The following RXRA variants were observed in gnomAD, a reference collection of about 807,000 sequenced individuals.
The protein encoded by RXRA is retinoic acid receptor RXR-alpha.
Under a neutral mutation model 44.5 loss-of-function variants are expected in RXRA, and 5 were observed. The ratio of observed to expected loss-of-function variants is 0.11; its 90% confidence interval spans 0.06 to 0.24. The LOEUF is 0.24. RXRA is among the 10% of genes least tolerant of loss of function. The pLI, the probability that RXRA is intolerant of heterozygous loss-of-function variation, is 1.00. For synonymous variants in RXRA, 291 were observed against 271.4 expected, an observed-to-expected ratio of 1.07 and a Z score of -0.71; for missense variants, 412 against 646.5, an observed-to-expected ratio of 0.64 and a Z score of 3.93.
chr9:134,431,062 G>A (rs1831523884), intron 7 of RXRA, among the ~76,000 whole-genome samples: 1 of 152,252 alleles, frequency 6.6e-6, no homozygotes. Flanking sequence ...TCCCCATTCT[G>A]CAGACCCTCA....
intron 1 of RXRA, among the ~76,000 whole-genome samples, chr9:134,400,644 T>C (rs1383188273): frequency 6.6e-6 from 1 of 152,212 alleles, no homozygotes; most frequent in African/African-American, 2.4e-5. Flanking sequence ...ATTCGCCACC[T>C]GGGAGCCTCC....
intron 1 of RXRA, among the ~76,000 whole-genome samples, chr9:134,361,786 C>T (rs1588264442): frequency 6.6e-6 from 1 of 152,206 alleles, no homozygotes; most frequent in East Asian, 1.9e-4. Flanking sequence ...CTGGGGGAGG[C>T]AGAATGTTCC....
At chr9:134,378,029 G>T (rs1353849866) in intron 1 of RXRA, among the ~76,000 whole-genome samples, 4 of 152,264 alleles carry the variant, frequency 2.6e-5, no homozygotes, top group African/African-American at 9.6e-5. Context: ...TGTCCTCCTG[G>T]AGTGGTGGCC....
chr9:134,422,028 C>A, intron 6 of RXRA: 1 of 1,433,392 alleles, frequency 7.0e-7, no homozygotes, highest in Non-Finnish European at 9.2e-7. Context: ...TCCCCCCTCC[C>A]TGGATGCTCC....
intron 1 of RXRA, among the ~76,000 whole-genome samples, chr9:134,375,120 G>A (rs949990412): frequency 6.6e-6 from 1 of 152,196 alleles, no homozygotes; most frequent in African/African-American, 2.4e-5. Context: ...TGGAGGAGGT[G>A]TTATATAAAA....
rs140464195 is a variant in RXRA at position 134,408,284 on chromosome 9, G to A, written c.415G>A (p.Gly139Arg). The A allele has an allele frequency of 3.7e-6, 6 of 1,607,674 alleles. No homozygotes were observed. The highest frequency in any genetic ancestry group is 5.1e-6 in the Non-Finnish European group (6 of 1,177,542). The stretch of plus-strand genomic sequence containing the variant: ...CACCAAGCACATCTGCGCCATCTGC[G>A]GGGACCGCTCCTCAGGTACCGCTGC... Reference protein sequence around the residue: ...SFTKHICAICGDRSSGKHYGV... With the variant: ...SFTKHICAICRDRSSGKHYGV... The change falls in exon 3 of 10, where the codon GGG becomes AGG. Residue 139 changes from glycine (G) to arginine (R), a missense_variant. By Grantham distance (125) the Gly-to-Arg change is moderately radical. This residue lies in a region of RXRA where 48 missense variants were observed against 119.9 expected (regional missense o/e 0.40). Transcript: ENST00000481739.
rs563826305 is a variant in RXRA, at chr9:134,437,895, C to G, written c.*1281C>G. ...GTTCACCCAGAGCCTTACTTGGGAG[C>G]CTCACTGAACGCCTGCTCTGGTTGA... is the stretch of plus-strand genomic sequence containing the variant. On this transcript the variant is annotated 3_prime_UTR_variant, in exon 10 of 10. Transcript: ENST00000481739. 2.6e-5 allele frequency: 4 copies of G among 152,288 alleles called. No homozygotes were observed. The highest frequency in any genetic ancestry group is 5.9e-5 in the Non-Finnish European group (4 of 68,070). 9.4% of individuals were successfully genotyped at this position (152,288 alleles called of 1,614,324 possible). A position where few individuals can be genotyped will look rare whatever the true frequency, so the allele number is the denominator to read the frequency against.
chr9:134,369,481 G>A (rs1165113823), intron 1 of RXRA, among the ~76,000 whole-genome samples: 1 of 130,352 alleles, frequency 7.7e-6, no homozygotes, highest in Non-Finnish European at 1.6e-5. Context: ...TTTTGTGTGT[G>A]GGTTGTATGT....
At chr9:134,422,716 G>C in intron 6 of RXRA, 1 of 985,426 alleles carries the variant, frequency 1.0e-6, no homozygotes, top group Non-Finnish European at 1.2e-6. Context: ...TGTACTCTAT[G>C]GGACTGTTGG....
intron 9 of RXRA, 30 bp downstream of exon 9, chr9:134,434,237 C>G: frequency 6.6e-7 from 1 of 1,521,512 alleles, no homozygotes; most frequent in East Asian, 2.3e-5. Context: ...ACACACACCC[C>G]AGACCCAGGC....
intron 2 of RXRA, chr9:134,404,865 T>C (rs1235880680): frequency 6.6e-6 from 1 of 151,656 alleles, no homozygotes; most frequent in Non-Finnish European, 1.5e-5. Flanking sequence ...AGGAAGGGTG[T>C]GGTGGGTGTG....
Position 134,348,255 on chromosome 9 carries a change from T to G in RXRA, c.28+21596T>G, listed in dbSNP as rs1554749065. The stretch of plus-strand genomic sequence containing the variant: ...GAGCTCTGGGGGAGACCTGGAAGCC[T>G]CCCAGGAGGTGAAACCCCAGGGTCT... On this transcript the variant is annotated intron_variant, in intron 1 of 9. Transcript: ENST00000481739. Among the ~76,000 whole-genome samples, 2 of 152,094 alleles carry G rather than the reference T, an allele frequency of 1.3e-5. 1 individual carries two copies. The highest frequency in any genetic ancestry group is 2.9e-5 in the Non-Finnish European group (2 of 68,010).
At chr9:134,336,711 C>T (rs1480868802) in intron 1 of RXRA, among the ~76,000 whole-genome samples, 6 of 152,222 alleles carry the variant, frequency 3.9e-5, no homozygotes, top group Non-Finnish European at 7.3e-5. Context: ...CCCACAGTGC[C>T]AGGTGCCATA....
chr9:134,396,052 C>A (rs1400442940), intron 1 of RXRA, among the ~76,000 whole-genome samples: 1 of 152,176 alleles, frequency 6.6e-6, no homozygotes, highest in Non-Finnish European at 1.5e-5. Flanking sequence ...GCCGAGGGCC[C>A]GTAGGGCCCA....
intron 1 of RXRA, among the ~76,000 whole-genome samples, chr9:134,360,537 G>A (rs1242809325): frequency 1.3e-5 from 2 of 152,240 alleles, no homozygotes; most frequent in Admixed American, 6.5e-5. Flanking sequence ...AGTGCCCGCC[G>A]TGCCAGCGCC....
chr9:134,420,713 C>T (rs980949905), intron 5 of RXRA, among the ~76,000 whole-genome samples: 3 of 152,256 alleles, frequency 2.0e-5, no homozygotes, highest in Non-Finnish European at 4.4e-5. Context: ...GTTATTCCTG[C>T]AGCGGCACCA....
At chr9:134,329,130 A>G (rs1554746346) in intron 1 of RXRA, among the ~76,000 whole-genome samples, 1 of 152,218 alleles carries the variant, frequency 6.6e-6, no homozygotes, top group East Asian at 1.9e-4. Context: ...GCGCCTGTGG[A>G]GAGACCCGGT....
rs762642217 is a variant in RXRA at position 134,421,883 on chromosome 9, TACTCCGCACTCCCGGGAC to T, written c.910+84_910+101del. ...ACCAGGACACTCCCCCCTCCCGGGA[TACTCCGCACTCCCGGGAC>T]ACTCCCCTGTCCTGGGACACTCCCC... is the stretch of plus-strand genomic sequence containing the variant. On this transcript the variant is annotated intron_variant, in intron 6 of 9. Coordinates refer to ENST00000481739, the MANE Select transcript of RXRA (RefSeq NM_002957.6). 2.0e-6 allele frequency: 3 copies of T among 1,517,818 alleles called. No individual in the cohort carries two copies. In the South Asian group the frequency reaches 3.6e-5, roughly 18 times the overall value. 94.0% of individuals were successfully genotyped at this position (1,517,818 alleles called of 1,614,324 possible). A position where few individuals can be genotyped will look rare whatever the true frequency, so the allele number is the denominator to read the frequency against.
intron 1 of RXRA, among the ~76,000 whole-genome samples, chr9:134,387,638 A>T (rs34085142): frequency 0.019 from 2,821 of 152,350 alleles, 42 homozygotes; most frequent in Middle Eastern, 0.051. Context: ...GGGACCACGC[A>T]GTCCTTGACC....
Sources: gnomAD v4.1 joint callset for allele counts (sites outside exome capture counted in the v4.1 genomes callset) on GRCh38, gnomAD v4.1.1 for gene constraint, gnomAD v4.1.1 regional missense constraint, MANE v1.5 for transcripts, NCBI Gene and HGNC (gene_info 2026-07-23, HGNC 2026-07-21) for gene names.